Variants in CTNNB1 observed in about 807,000 individuals in gnomAD.
CTNNB1 encodes the protein catenin beta 1, also known as catenin beta-1.
Under a neutral mutation model 82.5 loss-of-function variants are expected in CTNNB1, and 6 were observed. The observed-to-expected ratio is 0.07, with a 90% confidence interval of 0.04 to 0.14. The LOEUF is 0.14. Among genes scored for constraint, CTNNB1 ranks in the 10% least tolerant of loss-of-function variants. The pLI is 1.00. For missense variants in CTNNB1, 529 were observed against 980.4 expected (o/e 0.54, Z 6.15); for synonymous variants, 312 against 329.7 (o/e 0.95, Z 0.58).
intron 1 of CTNNB1, among the ~76,000 whole-genome samples, chr3:41,218,231 CTTCA>C (rs904534713): frequency 6.6e-6 from 1 of 152,146 alleles, no homozygotes; most frequent in African/African-American, 2.4e-5. Flanking sequence ...ATATTACCTT[CTTCA>C]TTTATGAAAT....
intron 1 of CTNNB1, among the ~76,000 whole-genome samples, chr3:41,203,492 A>G (rs2077581717): frequency 6.6e-6 from 1 of 152,168 alleles, no homozygotes; most frequent in Admixed American, 6.5e-5. Context: ...CATAATATTC[A>G]GTTATATTGA....
chr3:41,229,693 A>G (rs1215658841), intron 7 of CTNNB1, among the ~76,000 whole-genome samples: 8 of 152,082 alleles, frequency 5.3e-5, no homozygotes, highest in African/African-American at 1.9e-4. Flanking sequence ...TTGCCTGATT[A>G]TGAGCAGTGT....
chr3:41,212,761 T>C (rs543496541), intron 1 of CTNNB1, among the ~76,000 whole-genome samples: 174 of 152,364 alleles, frequency 1.1e-3, no homozygotes, highest in Admixed American at 1.8e-3. Flanking sequence ...ACATTTAGTA[T>C]CACAATCTAA....
At chr3:41,199,822 G>A (rs1409732362) in intron 1 of CTNNB1, 152 bp downstream of exon 1, 4 of 151,590 alleles carry the variant, frequency 2.6e-5, no homozygotes, top group Non-Finnish European at 5.9e-5. Context: ...GGGACGGTGA[G>A]GGTGGGCCGC....
Position 41,236,337 on chromosome 3 carries a change from T to A in CTNNB1, c.1804-12T>A, listed in dbSNP as rs1340435286. 6.2e-7 allele frequency: 1 copy of A among 1,614,212 alleles called. No individual in the cohort carries two copies. The highest frequency in any genetic ancestry group is 1.3e-5 in the African/African-American group (1 of 75,066). ...TAGATTTAATTAGGTTTTGTTTGTG[T>A]TTTCTCCTTAGCTGCTTTATTCTCC... On this transcript the variant is annotated splice_polypyrimidine_tract_variant and intron_variant, in intron 11 of 14. Coordinates refer to ENST00000349496, the MANE Select transcript of CTNNB1 (RefSeq NM_001904.4).
intron 6 of CTNNB1, 144 bp downstream of exon 6, chr3:41,226,005 G>A: frequency 1.3e-6 from 1 of 759,026 alleles, no homozygotes; most frequent in Non-Finnish European, 2.3e-6. Context: ...TTGTGGGAAT[G>A]GTTTCTGGAT....
chr3:41,199,995 C>A (rs548308649), intron 1 of CTNNB1: 1 of 126,674 alleles, frequency 7.9e-6, no homozygotes, highest in Non-Finnish European at 1.6e-5. Context: ...GGTTTCCGTC[C>A]GGGGCTCTGG....
At chr3:41,202,256 TAATC>T (rs1459621709) in intron 1 of CTNNB1, among the ~76,000 whole-genome samples, 9 of 152,222 alleles carry the variant, frequency 5.9e-5, no homozygotes, top group African/African-American at 1.9e-4. Context: ...TAGCTTCTGA[TAATC>T]AATAATTGTA....
At position 41,239,879 on chromosome 3, in the gene CTNNB1, A is replaced by T. The variant is rs1482001500; in HGVS notation, c.*537A>T. ...AGAAGTGAAGAATGCACAAGAATGG[A>T]TCACAAGATGGAATTTATCAAACCC... On this transcript the variant is annotated 3_prime_UTR_variant, in exon 15 of 15. Coordinates refer to ENST00000349496, the MANE Select transcript of CTNNB1 (RefSeq NM_001904.4). The T allele has an allele frequency of 3.1e-5, 7 of 228,624 alleles. No individual in the cohort carries two copies. The highest frequency in any genetic ancestry group is 6.0e-5 in the Non-Finnish European group (7 of 115,882). The allele number at this position is 228,624 out of a possible 1,614,324, so 14.2% of individuals were successfully genotyped here.
chr3:41,231,317 ACT>A (rs2078302363), intron 7 of CTNNB1, among the ~76,000 whole-genome samples: 1 of 140,886 alleles, frequency 7.1e-6, no homozygotes, highest in African/African-American at 2.6e-5. Context: ...ACAGAGTGAG[ACT>A]CTATCTCAAA....
intron 14 of CTNNB1, chr3:41,238,502 T>C (rs1463480747): frequency 5.0e-6 from 1 of 199,494 alleles, no homozygotes; most frequent in Non-Finnish European, 1.0e-5. Context: ...CTAATTTAAA[T>C]CTGGGTAATG....
chr3:41,212,748 A>G (rs2077823483), intron 1 of CTNNB1, among the ~76,000 whole-genome samples: 1 of 152,226 alleles, frequency 6.6e-6, no homozygotes. Flanking sequence ...CTTACATGGC[A>G]CTACATTTAG....
At chr3:41,228,353 T>C (rs747963450) in intron 7 of CTNNB1, among the ~76,000 whole-genome samples, 10 of 152,188 alleles carry the variant, frequency 6.6e-5, no homozygotes, top group Admixed American at 1.3e-4. Flanking sequence ...ATAAGCATTC[T>C]CTTTTCTCAG....
intron 1 of CTNNB1, chr3:41,220,928 C>T (rs1239902280): frequency 6.6e-6 from 1 of 152,080 alleles, no homozygotes; most frequent in Non-Finnish European, 1.5e-5. Context: ...TTAGTTGTGG[C>T]AAGATTTCTC....
Position 41,236,411 on chromosome 3 carries a change from T to C in CTNNB1, c.1866T>C (p.Ala622=). ...CTGCAGGGGTCCTCTGTGAACTTGC[T>C]CAGGACAAGGAAGCTGCAGAAGCTA... ...RVAAGVLCEL[A]QDKEAAEAIE... is the part of the protein sequence containing the mutation. Residue 622 remains alanine (A), a synonymous_variant, in exon 12 of 15, where the codon GCT becomes GCC. Transcript: ENST00000349496. 6.2e-7 allele frequency: 1 copy of C among 1,614,184 alleles called. No homozygotes were observed. Among genetic ancestry groups the C allele is most frequent in the Non-Finnish European group, 8.5e-7 (1 of 1,180,022 alleles).
intron 1 of CTNNB1, among the ~76,000 whole-genome samples, chr3:41,206,258 A>G (rs950543322): frequency 6.6e-6 from 1 of 152,208 alleles, no homozygotes; most frequent in Non-Finnish European, 1.5e-5. Flanking sequence ...CAAGTTAATC[A>G]GTCTACATGG....
At position 41,211,376 on chromosome 3, in the gene CTNNB1, GT is replaced by G. The variant is rs2077781667; in HGVS notation, c.-49+11707del. On this transcript the variant is annotated intron_variant, in intron 1 of 14. Coordinates refer to ENST00000349496, the MANE Select transcript of CTNNB1 (RefSeq NM_001904.4). ...TGCCATGCCATGCCATCTTTTGCCT[GT>G]ATTATTATTTTTCAGCTTTTATTTT... 5.3e-5 allele frequency among the ~76,000 whole-genome samples: 8 copies of G among 152,236 alleles called. No individual in the cohort carries two copies. The South Asian group carries it at 1.7e-3, about 32-fold the overall frequency.
chr3:41,203,055 T>A (rs1318715145), intron 1 of CTNNB1, among the ~76,000 whole-genome samples: 148 of 103,208 alleles, frequency 1.4e-3, no homozygotes, highest in Middle Eastern at 5.2e-3. Context: ...TTTTTTTTTT[T>A]AACTCATGGG....
rs77248156 is a variant in CTNNB1 at position 41,223,915 on chromosome 3, T to G, written c.-48-106T>G. The G allele has an allele frequency of 1.3e-5, 10 of 797,744 alleles. No individual in the cohort carries two copies. The Admixed American group carries it at 1.5e-4, about 12-fold the overall frequency. 49.4% of individuals were successfully genotyped at this position (797,744 alleles called of 1,614,324 possible). ...CTAACCTGGTAAAAGAGGATATGGG[T>G]TTTTTTTGTGGGTGTAATAGTGACA... On this transcript the variant is annotated intron_variant, in intron 1 of 14. Transcript: ENST00000349496.
Sources: allele counts gnomAD v4.1 joint callset (sites outside exome capture counted in the v4.1 genomes callset), GRCh38; gene constraint gnomAD v4.1.1; transcripts MANE v1.5; gene names NCBI Gene and HGNC (gene_info 2026-07-23, HGNC 2026-07-21).